MYO10: variants seen among roughly 807,000 people sequenced by gnomAD.
The protein encoded by MYO10 is unconventional myosin-X.
In MYO10, 133 loss-of-function variants were observed where a neutral mutation model predicts 257.3. The ratio of observed to expected loss-of-function variants is 0.52; its 90% CI spans 0.45 to 0.60. MYO10 has a LOEUF of 0.60. MYO10 is among the 20% of genes least tolerant of loss of function. The probability of loss-of-function intolerance (pLI) is 0.00; values close to 1 mark genes in which losing one functional copy is unlikely to be tolerated. For missense variants in MYO10, 2,399 were observed against 2,635.7 expected, an observed-to-expected ratio of 0.91 and a Z score of 1.97; for synonymous variants, 1,104 against 1,028.6, an observed-to-expected ratio of 1.07 and a Z score of -1.40.
At chr5:16,917,824 G>C in intron 1 of MYO10, among the ~76,000 whole-genome samples, 1 of 152,058 alleles carries the variant, frequency 6.6e-6, no homozygotes, top group East Asian at 1.9e-4. Context: ...ATAGTGAGCT[G>C]TGATTGCATC....
rs1465964958 is a variant in MYO10, at chr5:16,710,641, GA to G, written c.2169+266del. 6 of 485,570 alleles carry G rather than the reference GA, an allele frequency of 1.2e-5. 1 individual carries two copies. In the East Asian group the frequency reaches 2.1e-4, roughly 17 times the overall value. 30.1% of individuals were successfully genotyped at this position (485,570 alleles called of 1,614,324 possible). Reference sequence around the variant, plus strand: ...CGTCTGCCAACATTTGTTACTGCCTGAACAAATACCCACACACAAACAATTA... The same window carrying G: ...CGTCTGCCAACATTTGTTACTGCCTGACAAATACCCACACACAAACAATTA... On this transcript the variant is annotated intron_variant, in intron 21 of 40. Transcript: ENST00000513610.
At chr5:16,877,754 G>A in intron 1 of MYO10, 47 bp from the exon 2 acceptor site, 1 of 1,481,730 alleles carries the variant, frequency 6.7e-7, no homozygotes, top group Non-Finnish European at 9.4e-7. Flanking sequence ...ATTGCATTTT[G>A]TGGCGAAACT....
rs1224309498 is a variant in MYO10 at position 16,710,909 on chromosome 5, T to C, written c.2168A>G (p.Lys723Arg). 1.2e-6 allele frequency: 2 copies of C among 1,613,046 alleles called. No homozygotes were observed. The highest frequency in any genetic ancestry group is 3.3e-5 in the Admixed American group (2 of 59,902). Residue 723 changes from lysine to arginine, a missense_variant and splice_region_variant, in exon 21 of 41, where the codon AAG becomes AGG. Physicochemically the swap from Lys to Arg is conservative, Grantham distance 26. Coordinates refer to ENST00000513610, the MANE Select transcript of MYO10 (RefSeq NM_012334.3). ...SNSEWQLGKT[K>R]VFLRESLEQK... The stretch of plus-strand genomic sequence containing the variant: ...AGTTGCTCTTTCTCCGCATCGTACC[T>C]TGGTCTTCCCCAGCTGCCACTCGCT...
At chr5:16,838,756 C>A (rs1381899725) in intron 2 of MYO10, among the ~76,000 whole-genome samples, 1 of 152,192 alleles carries the variant, frequency 6.6e-6, no homozygotes, top group Non-Finnish European at 1.5e-5. Context: ...CACAGACTCT[C>A]TTGTTAGGGG....
chr5:16,717,739 C>CGG (rs34159413), intron 19 of MYO10, among the ~76,000 whole-genome samples: 1 of 152,070 alleles, frequency 6.6e-6, no homozygotes, highest in Non-Finnish European at 1.5e-5. Context: ...CTTTGACCCA[C>CGG]GGGGATTTAA....
intron 35 of MYO10, among the ~76,000 whole-genome samples, chr5:16,674,286 G>A (rs547224619): frequency 3.9e-4 from 60 of 152,224 alleles, no homozygotes; most frequent in Non-Finnish European, 6.9e-4. Flanking sequence ...TGGCCAACAC[G>A]GTGAAACCCC....
chr5:16,814,050 C>G (rs937758348), intron 3 of MYO10, among the ~76,000 whole-genome samples: 1 of 152,234 alleles, frequency 6.6e-6, no homozygotes, highest in Non-Finnish European at 1.5e-5. Flanking sequence ...GGATCCTCCT[C>G]TAGAGCATCT....
At chr5:16,724,941 C>T (rs1739296656) in intron 19 of MYO10, among the ~76,000 whole-genome samples, 1 of 152,114 alleles carries the variant, frequency 6.6e-6, no homozygotes, top group African/African-American at 2.4e-5. Context: ...TATGCACGCT[C>T]ACGTGTGTGC....
At chr5:16,896,413 C>T (rs1449624763) in intron 1 of MYO10, among the ~76,000 whole-genome samples, 2 of 151,908 alleles carry the variant, frequency 1.3e-5, no homozygotes, top group Non-Finnish European at 2.9e-5. Context: ...CTGGCCAACA[C>T]GGTGAAACCC....
At chr5:16,915,278 A>C (rs951445281) in intron 1 of MYO10, among the ~76,000 whole-genome samples, 6 of 152,338 alleles carry the variant, frequency 3.9e-5, no homozygotes, top group Admixed American at 3.3e-4. Flanking sequence ...GTTCATCTCT[A>C]CATGAGATTA....
intron 21 of MYO10, among the ~76,000 whole-genome samples, chr5:16,706,514 T>C (rs147309775): frequency 1.4e-4 from 21 of 152,360 alleles, no homozygotes; most frequent in African/African-American, 4.6e-4. Flanking sequence ...CTTACTCTAA[T>C]GCTTTTGCTC....
intron 4 of MYO10, among the ~76,000 whole-genome samples, chr5:16,786,970 G>GC (rs1350259811): frequency 6.6e-6 from 1 of 152,084 alleles, no homozygotes; most frequent in Non-Finnish European, 1.5e-5. Context: ...GGAGTTCGAG[G>GC]CCAGCCTGGC....
At chr5:16,875,742 T>A (rs1177377801) in intron 2 of MYO10, among the ~76,000 whole-genome samples, 1 of 152,228 alleles carries the variant, frequency 6.6e-6, no homozygotes, top group Non-Finnish European at 1.5e-5. Flanking sequence ...GAAGTTTTGA[T>A]AACCAAGTAG....
At chr5:16,705,913 G>A (rs1738308690) in intron 21 of MYO10, among the ~76,000 whole-genome samples, 1 of 152,212 alleles carries the variant, frequency 6.6e-6, no homozygotes, top group South Asian at 2.1e-4. Context: ...CGGGCGCAGT[G>A]GCTCATGCCA....
At chr5:16,700,450 G>T (rs1211267184) in intron 25 of MYO10, among the ~76,000 whole-genome samples, 1 of 152,244 alleles carries the variant, frequency 6.6e-6, no homozygotes, top group African/African-American at 2.4e-5. Flanking sequence ...TCCGAGGCAG[G>T]TGGATCACCT....
intron 1 of MYO10, among the ~76,000 whole-genome samples, chr5:16,931,638 A>T (rs1328693613): frequency 1.3e-5 from 2 of 152,196 alleles, no homozygotes; most frequent in Non-Finnish European, 2.9e-5. Flanking sequence ...CAGGGGGAAA[A>T]AAAAAATGAG....
intron 37 of MYO10, among the ~76,000 whole-genome samples, 199 bp from the exon 38 acceptor site, chr5:16,671,741 A>C (rs1371920549): frequency 5.9e-5 from 9 of 152,182 alleles, no homozygotes; most frequent in Non-Finnish European, 1.3e-4. Flanking sequence ...TTAAGAAAAC[A>C]AACAGGCAGC....
At chr5:16,859,061 T>G (rs1473663145) in intron 2 of MYO10, among the ~76,000 whole-genome samples, 2 of 152,194 alleles carry the variant, frequency 1.3e-5, no homozygotes, top group Non-Finnish European at 2.9e-5. Context: ...CTTTATCCTG[T>G]GTTCTCATCC....
At chr5:16,752,032 C>T (rs748556872) in intron 19 of MYO10, among the ~76,000 whole-genome samples, 2 of 152,142 alleles carry the variant, frequency 1.3e-5, no homozygotes, top group Admixed American at 1.3e-4. Flanking sequence ...CCAAGCAGGC[C>T]TAATTTCAAA....
Sources: gnomAD v4.1 joint callset for allele counts (sites outside exome capture counted in the v4.1 genomes callset) on GRCh38, gnomAD v4.1.1 for gene constraint, MANE v1.5 for transcripts, NCBI Gene and HGNC (gene_info 2026-07-23, HGNC 2026-07-21) for gene names.